Variants in ATP11B observed in about 807,000 individuals in gnomAD.
ATP11B encodes ATPase phospholipid transporting 11B (putative), also known as phospholipid-transporting ATPase IF.
A neutral mutation model predicts 157.8 loss-of-function variants in ATP11B; 81 were observed. That is an observed-to-expected ratio of 0.51 (90% CI 0.43 to 0.62). The LOEUF is 0.62. ATP11B is among the 20% of genes least tolerant of loss of function. The pLI is 0.00. For synonymous variants in ATP11B, 451 were observed against 469.4 expected, an observed-to-expected ratio of 0.96 and a Z score of 0.51; for missense variants, 1,165 against 1,402.2, an observed-to-expected ratio of 0.83 and a Z score of 2.70.
chr3:182,887,653 A>G lies in ATP11B; in HGVS notation c.2783A>G (p.Tyr928Cys), dbSNP rs1189788189. 5 of 1,613,048 alleles carry G rather than the reference A, an allele frequency of 3.1e-6. No homozygotes were observed. In the Admixed American group the frequency reaches 5.0e-5, roughly 16 times the overall value. The stretch of plus-strand genomic sequence containing the variant: ...TTTACTTCCCTACCTATTCTGATAT[A>G]TAGTCTTTTGGAACAGCATGTAGAC... ...ICFTSLPILI[Y>C]SLLEQHVDPH... Residue 928 changes from tyrosine to cysteine, a missense_variant, in exon 24 of 30, where the codon TAT (tyrosine) becomes TGT (cysteine). This residue lies in a region of ATP11B where 737 missense variants were observed against 930.5 expected (regional missense o/e 0.79). Transcript: ENST00000323116.
intron 19 of ATP11B, among the ~76,000 whole-genome samples, chr3:182,875,742 A>T (rs766761918): frequency 2.6e-5 from 4 of 152,108 alleles, no homozygotes; most frequent in Non-Finnish European, 5.9e-5. Context: ...CACCCGGCCC[A>T]TATAGGGTCT....
chr3:182,879,407 T>C (rs1049705147), intron 19 of ATP11B, 89 bp from the exon 20 acceptor site: 3 of 1,150,232 alleles, frequency 2.6e-6, no homozygotes, highest in Non-Finnish European at 3.5e-6. Context: ...AAAAGATCCA[T>C]CTTTCAGTAA....
chr3:182,815,410 A>C (rs1299940419), intron 1 of ATP11B, among the ~76,000 whole-genome samples: 1 of 152,198 alleles, frequency 6.6e-6, no homozygotes, highest in African/African-American at 2.4e-5. Flanking sequence ...TATGTCTAGG[A>C]AATAGTAATT....
At chr3:182,915,126 T>TC (rs1725055704) in intron 29 of ATP11B, 1 of 984,830 alleles carries the variant, frequency 1.0e-6, no homozygotes, top group African/African-American at 1.7e-5. Context: ...ATGAGTATGA[T>TC]ATCATTCATC....
At chr3:182,821,764 T>C (rs1004778987) in intron 2 of ATP11B, among the ~76,000 whole-genome samples, 2 of 152,184 alleles carry the variant, frequency 1.3e-5, no homozygotes, top group Admixed American at 1.3e-4. Flanking sequence ...GCTTGGACGG[T>C]ACAGTTATAG....
chr3:182,880,842 C>A, intron 20 of ATP11B, 37 bp from the exon 21 acceptor site: 1 of 1,379,598 alleles, frequency 7.2e-7, no homozygotes. Flanking sequence ...GAAAATTGAA[C>A]TTGCGTCATA....
intron 23 of ATP11B, 137 bp from the exon 24 acceptor site, chr3:182,887,449 T>A: frequency 1.7e-6 from 1 of 594,702 alleles, no homozygotes; most frequent in East Asian, 3.2e-5. Context: ...TTAGAATTAT[T>A]TAATTGGAGT....
intron 28 of ATP11B, among the ~76,000 whole-genome samples, chr3:182,902,070 A>G (rs1311983710): frequency 6.6e-6 from 1 of 152,142 alleles, no homozygotes; most frequent in Non-Finnish European, 1.5e-5. Flanking sequence ...GTATATGGTC[A>G]TTGAAATCCT....
chr3:182,845,927 T>C (rs1018868950), intron 9 of ATP11B, among the ~76,000 whole-genome samples: 1 of 152,210 alleles, frequency 6.6e-6, no homozygotes, highest in Non-Finnish European at 1.5e-5. Flanking sequence ...TTCAACAAAT[T>C]TACTGATATC....
At chr3:182,891,187 TG>T (rs1480644595) in intron 25 of ATP11B, among the ~76,000 whole-genome samples, 1 of 152,176 alleles carries the variant, frequency 6.6e-6, no homozygotes, top group Admixed American at 6.5e-5. Flanking sequence ...CCTGAAATAG[TG>T]GGGTGAAAAC....
chr3:182,825,556 T>C (rs1227980228), intron 2 of ATP11B, among the ~76,000 whole-genome samples: 1 of 151,782 alleles, frequency 6.6e-6, no homozygotes, highest in Non-Finnish European at 1.5e-5. Flanking sequence ...CCGTCTCTAC[T>C]AAAAAAATAC....
Position 182,880,927 on chromosome 3 carries a change from G to C in ATP11B, c.2455G>C (p.Val819Leu). The C allele has an allele frequency of 6.2e-7, 1 of 1,605,574 alleles. No homozygotes were observed. Among genetic ancestry groups the C allele is most frequent in the Non-Finnish European group, 8.5e-7 (1 of 1,176,622 alleles). ...ISPEKPITLAVGDGANDVSMI... is the reference protein window; with the variant it reads ...ISPEKPITLALGDGANDVSMI... Reference sequence around the variant, plus strand: ...ACCTGAGAAACCTATAACATTGGCTGTTGGTGATGGTGCTAATGACGTAAG... The same window carrying C: ...ACCTGAGAAACCTATAACATTGGCTCTTGGTGATGGTGCTAATGACGTAAG... The change falls in exon 21 of 30, where the codon GTT (valine) becomes CTT (leucine). Residue 819 changes from valine to leucine, a missense_variant. Transcript: ENST00000323116.
chr3:182,800,281 A>C (rs1576942020), intron 1 of ATP11B, among the ~76,000 whole-genome samples: 1 of 151,370 alleles, frequency 6.6e-6, no homozygotes, highest in East Asian at 1.9e-4. Flanking sequence ...TACTGCAGTG[A>C]TGTGATCACA....
chr3:182,799,865 G>C lies in ATP11B; in HGVS notation c.27+6079G>C, dbSNP rs1017676930. ...GTGGTGGCTCAAACCTGTAACCTCG[G>C]CACTTTGGGAGACACACAGGAGGAT... On this transcript the variant is annotated intron_variant, in intron 1 of 29. Coordinates refer to ENST00000323116, the MANE Select transcript of ATP11B (RefSeq NM_014616.3). Among the ~76,000 whole-genome samples the C allele has an allele frequency of 2.0e-5, 3 of 152,034 alleles. No homozygotes were observed. In the East Asian group the frequency reaches 5.8e-4, roughly 29 times the overall value.
intron 19 of ATP11B, among the ~76,000 whole-genome samples, chr3:182,875,929 T>C (rs1240714500): frequency 6.6e-6 from 1 of 152,170 alleles, no homozygotes. Flanking sequence ...CTCAGAATCA[T>C]TTACTTTATA....
intron 1 of ATP11B, among the ~76,000 whole-genome samples, chr3:182,802,074 T>C (rs1716049232): frequency 6.6e-6 from 1 of 152,200 alleles, no homozygotes; most frequent in South Asian, 2.1e-4. Flanking sequence ...TTTTAAAAAA[T>C]GCATTTTAAA....
intron 7 of ATP11B, 50 bp from the exon 8 acceptor site, chr3:182,842,025 T>C: frequency 8.1e-7 from 1 of 1,229,844 alleles, no homozygotes; most frequent in Non-Finnish European, 1.2e-6. Flanking sequence ...AAACAGCCAT[T>C]GATGTCATAA....
At chr3:182,896,582 T>A (rs1723563748) in intron 25 of ATP11B, 118 bp from the exon 26 acceptor site, 2 of 817,028 alleles carry the variant, frequency 2.4e-6, no homozygotes, top group Non-Finnish European at 2.0e-6. Flanking sequence ...AGTCACCAGT[T>A]TCAAATGTAC....
At position 182,898,688 on chromosome 3, in the gene ATP11B, C is replaced by A; in HGVS notation, c.3234C>A (p.Leu1078=). The change falls in exon 28 of 30, where the codon CTC becomes CTA. Residue 1078 remains leucine, a synonymous_variant. Coordinates refer to ENST00000323116, the MANE Select transcript of ATP11B (RefSeq NM_014616.3). The part of the protein sequence containing the change: ...SSGSAWFAII[L]MVVTCLFLDI... ...GTTCTGCTTGGTTTGCCATAATCCT[C>A]ATGGTTGTTACATGTCTATTTCTTG... The A allele has an allele frequency of 6.2e-7, 1 of 1,607,518 alleles. No homozygotes were observed. The highest frequency in any genetic ancestry group is 8.5e-7 in the Non-Finnish European group (1 of 1,176,950).
Sources: allele counts gnomAD v4.1 joint callset (sites outside exome capture counted in the v4.1 genomes callset), GRCh38; gene constraint gnomAD v4.1.1; regional missense constraint gnomAD v4.1.1; transcripts MANE v1.5; gene names NCBI Gene and HGNC (gene_info 2026-07-23, HGNC 2026-07-21).